The following MTHFSD variants were observed in gnomAD, a reference collection of about 807,000 sequenced individuals.
MTHFSD encodes the protein methenyltetrahydrofolate synthetase domain containing.
Under a neutral mutation model 31.1 loss-of-function variants are expected in MTHFSD, and 37 were observed. The ratio of observed to expected loss-of-function variants is 1.19; its 90% CI spans 0.91 to 1.56. The LOEUF (loss-of-function observed/expected upper bound fraction) is 1.56. Ranked by LOEUF, MTHFSD falls within the 40% of genes most tolerant of loss-of-function variation. The pLI is 0.00. For missense variants in MTHFSD, 664 were observed against 510.1 expected, an observed-to-expected ratio of 1.30 and a Z score of -2.91; for synonymous variants, 221 against 206.9, an observed-to-expected ratio of 1.07 and a Z score of -0.59.
At position 86,546,582 on chromosome 16, in the gene MTHFSD, CCCA is replaced by C. The variant is rs773157325; in HGVS notation, c.416_418del (p.Val139del). On this transcript the variant is annotated inframe_deletion, in exon 5 of 8. Coordinates refer to ENST00000360900, the MANE Select transcript of MTHFSD (RefSeq NM_001159377.2). ...ACCTTTTTCAGAAACGGCGACGGATCCCACCACAACTAAATCCACGAGGACTCT... is the reference window on the plus strand; with the variant it reads ...ACCTTTTTCAGAAACGGCGACGGATCCCACAACTAAATCCACGAGGACTCT... The C allele has an allele frequency of 8.1e-6, 13 of 1,613,878 alleles. No individual in the cohort carries two copies. Among genetic ancestry groups the C allele is most frequent in the Non-Finnish European group, 1.0e-5 (12 of 1,180,034 alleles).
At position 86,552,111 on chromosome 16, in the gene MTHFSD, T is replaced by C. The variant is rs541839013; in HGVS notation, c.159A>G (p.Leu53=). Residue 53 remains leucine, a synonymous_variant, in exon 3 of 8, where the codon CTA becomes CTG. Coordinates refer to ENST00000360900, the MANE Select transcript of MTHFSD (RefSeq NM_001159377.2). The part of the protein sequence containing the change: ...SYLACQNIKD[L]DVFARTQEVK... The stretch of plus-strand genomic sequence containing the variant: ...CTTCCTGTGTTCTGGCAAAAACGTC[T>C]AGGTCTTTGATGTTTTGGCAAGCCA... 1 of 1,614,194 alleles carries C rather than the reference T, an allele frequency of 6.2e-7. No individual in the cohort carries two copies. The highest frequency in any genetic ancestry group is 1.1e-5 in the South Asian group (1 of 91,076).
rs757968239 is a variant in MTHFSD at position 86,531,987 on chromosome 16, T to C, written c.*24A>G. 2 of 1,415,834 alleles carry C rather than the reference T, an allele frequency of 1.4e-6. No homozygotes were observed. The highest frequency in any genetic ancestry group is 3.0e-5 in the South Asian group (2 of 66,656). The allele number at this position is 1,415,834 out of a possible 1,614,324, so 87.7% of individuals were successfully genotyped here. A position where few individuals can be genotyped will look rare whatever the true frequency, so the allele number is the denominator to read the frequency against. ...GGGGACGGGGATGGCGAGTCTGCAG[T>C]GAGCTCCGTGGCTGTCCACGAGGTC... On this transcript the variant is annotated 3_prime_UTR_variant, in exon 8 of 8. Transcript: ENST00000360900. This position sits in a 1 kb window ranked among gnomAD's most constrained non-coding sequence, Gnocchi z 5.5.
intron 1 of MTHFSD, 73 bp from the exon 2 acceptor site, chr16:86,554,824 G>C: frequency 1.5e-6 from 2 of 1,333,728 alleles, no homozygotes; most frequent in South Asian, 2.5e-5. Context: ...CTTAACAGTA[G>C]TTAAGCGACC....
At chr16:86,540,295 G>A (rs1034859064) in intron 7 of MTHFSD, among the ~76,000 whole-genome samples, 5 of 152,174 alleles carry the variant, frequency 3.3e-5, no homozygotes, top group African/African-American at 1.2e-4. Context: ...AGAGGGTCTC[G>A]ACAAACAGCG....
At chr16:86,548,667 G>T in intron 3 of MTHFSD, 90 bp from the exon 4 acceptor site, 2 of 997,760 alleles carry the variant, frequency 2.0e-6, no homozygotes, top group Non-Finnish European at 1.5e-6. Flanking sequence ...AGGAGAAGAG[G>T]CAAATTACTA....
chr16:86,531,797 C>T lies in MTHFSD; in HGVS notation c.*214G>A, dbSNP rs577065974. On this transcript the variant is annotated 3_prime_UTR_variant, in exon 8 of 8. Transcript: ENST00000360900. This position sits in a 1 kb window ranked among gnomAD's most constrained non-coding sequence, Gnocchi z 5.5. ...CACGATTGGGAGGCTGCAGTCTCTG[C>T]GCGCTGTGAGATGAACCGCAGGGCG... 258 of 409,358 alleles carry T rather than the reference C, an allele frequency of 6.3e-4. No individual in the cohort carries two copies. Among genetic ancestry groups the T allele is most frequent in the Non-Finnish European group, 9.8e-4 (226 of 231,030 alleles). The allele number at this position is 409,358 out of a possible 1,614,324, so 25.4% of individuals were successfully genotyped here.
chr16:86,532,074 C>A lies in MTHFSD; in HGVS notation c.1089G>T (p.Gln363His). The part of the protein sequence containing the change: ...AAAQQAVSCL[Q>H]GLRLGTDTLR... ...GGGTGTCGGTGCCCAGGCGCAGGCC[C>A]TGCAAGCAGGAGACGGCCTGCTGGG... The change falls in exon 8 of 8, where the codon CAG becomes CAT. Residue 363 changes from glutamine to histidine, a missense_variant. Physicochemically the swap from Gln to His is conservative, Grantham distance 24. Coordinates refer to ENST00000360900, the MANE Select transcript of MTHFSD (RefSeq NM_001159377.2). The A allele has an allele frequency of 6.5e-7, 1 of 1,528,056 alleles. No homozygotes were observed. The allele number at this position is 1,528,056 out of a possible 1,614,324, so 94.7% of individuals were successfully genotyped here.
At position 86,548,506 on chromosome 16, in the gene MTHFSD, A is replaced by C. The variant is rs762792533; in HGVS notation, c.309T>G (p.Pro103=). Residue 103 remains proline, a synonymous_variant, in exon 4 of 8, where the codon CCT becomes CCG. Transcript: ENST00000360900. ...TGLFNKITPP[P]GATKDILRKC... is the part of the protein sequence containing the mutation. ...TTCTCAAGATGTCTTTAGTTGCCCC[A>C]GGGGGTGGTGTGATCTTATTAAACA... is the stretch of plus-strand genomic sequence containing the variant. The C allele has an allele frequency of 5.6e-6, 9 of 1,613,820 alleles. No homozygotes were observed. The highest frequency in any genetic ancestry group is 7.6e-6 in the Non-Finnish European group (9 of 1,179,928).
At chr16:86,545,194 C>T (rs1371651179) in intron 5 of MTHFSD, among the ~76,000 whole-genome samples, 2 of 152,046 alleles carry the variant, frequency 1.3e-5, no homozygotes, top group Admixed American at 6.6e-5. Flanking sequence ...ACATCCTACA[C>T]ATGTATCCCG....
intron 3 of MTHFSD, among the ~76,000 whole-genome samples, chr16:86,549,793 G>T (rs1243817845): frequency 6.6e-6 from 1 of 152,264 alleles, no homozygotes; most frequent in Non-Finnish European, 1.5e-5. Context: ...AAGCCAGTGG[G>T]GCTTAAGCCT....
At chr16:86,541,296 A>AG in intron 7 of MTHFSD, 3 of 1,111,676 alleles carry the variant, frequency 2.7e-6, no homozygotes, top group Non-Finnish European at 3.5e-6. Context: ...GTCAGTAAAA[A>AG]AAAAAAAAAA....
chr16:86,541,643 A>G (rs763869884), intron 7 of MTHFSD, 54 bp downstream of exon 7: 175 of 1,580,846 alleles, frequency 1.1e-4, no homozygotes, highest in Non-Finnish European at 1.4e-4. Flanking sequence ...AAAACACTTA[A>G]AAGAGGAGGA....
At chr16:86,553,481 G>C (rs1352099992) in intron 2 of MTHFSD, 1 of 152,478 alleles carries the variant, frequency 6.6e-6, no homozygotes, top group African/African-American at 2.4e-5. Context: ...GGGCCAGCGC[G>C]AGTTCCATGT....
chr16:86,531,570 C>T lies in MTHFSD; in HGVS notation c.*441G>A, dbSNP rs1282961646. On this transcript the variant is annotated 3_prime_UTR_variant, in exon 8 of 8. Transcript: ENST00000360900. This position sits in a 1 kb window ranked among gnomAD's most constrained non-coding sequence, Gnocchi z 5.5. The stretch of plus-strand genomic sequence containing the variant: ...AGCTCAGGAGCCTGAAGCCCAAGGG[C>T]GCGCTTCTGTACCCAGCATCCAGTC... 2 of 153,754 alleles carry T rather than the reference C, an allele frequency of 1.3e-5. No individual in the cohort carries two copies. Among genetic ancestry groups the T allele is most frequent in the African/African-American group, 2.4e-5 (1 of 41,512 alleles). 9.5% of individuals were successfully genotyped at this position (153,754 alleles called of 1,614,324 possible).
In MTHFSD at chr16:86,531,255, A is replaced by C. The variant is rs1969965959; in HGVS notation, c.*756T>G. ...TTTAGAAACAGAACTGGAGGAAAAA[A>C]ACCCAGAAAACATAAGGCACTGGGC... On this transcript the variant is annotated 3_prime_UTR_variant, in exon 8 of 8. Transcript: ENST00000360900. This position sits in a 1 kb window ranked among gnomAD's most constrained non-coding sequence, Gnocchi z 5.5. The C allele has an allele frequency of 6.6e-6, 1 of 152,244 alleles. No individual in the cohort carries two copies. The highest frequency in any genetic ancestry group is 6.5e-5 in the Admixed American group (1 of 15,290). The allele number at this position is 152,244 out of a possible 1,614,324, so 9.4% of individuals were successfully genotyped here. A position where few individuals can be genotyped will look rare whatever the true frequency, so the allele number is the denominator to read the frequency against.
chr16:86,550,331 C>T (rs1972959164), intron 3 of MTHFSD, among the ~76,000 whole-genome samples: 1 of 152,254 alleles, frequency 6.6e-6, no homozygotes, highest in Non-Finnish European at 1.5e-5. Flanking sequence ...GTTGTTTCTT[C>T]AGCCTGAATA....
At chr16:86,551,529 T>A (rs1038695596) in intron 3 of MTHFSD, among the ~76,000 whole-genome samples, 3 of 152,242 alleles carry the variant, frequency 2.0e-5, no homozygotes, top group Admixed American at 6.5e-5. Context: ...TACAAAAGCA[T>A]GCCTGAATTT....
intron 3 of MTHFSD, among the ~76,000 whole-genome samples, chr16:86,550,019 T>C (rs1177697295): frequency 2.6e-5 from 4 of 152,092 alleles, no homozygotes; most frequent in Non-Finnish European, 4.4e-5. Context: ...ACTGTGCCTG[T>C]AGCTGTGGCT....
At position 86,541,785 on chromosome 16, in the gene MTHFSD, T is replaced by C; in HGVS notation, c.593A>G (p.Asp198Gly). 6.2e-7 allele frequency: 1 copy of C among 1,614,156 alleles called. No individual in the cohort carries two copies. Among genetic ancestry groups the C allele is most frequent in the Non-Finnish European group, 8.5e-7 (1 of 1,180,028 alleles). Residue 198 changes from aspartate (D) to glycine (G), a missense_variant, in exon 7 of 8, where the codon GAC (aspartate) becomes GGC (glycine). Coordinates refer to ENST00000360900, the MANE Select transcript of MTHFSD (RefSeq NM_001159377.2). Reference sequence around the variant, plus strand: ...AGTGAGGATGTAGTCCACAGTGATGTCGTGCTCCTCAACAAGCTCTTCAGG... The same window carrying C: ...AGTGAGGATGTAGTCCACAGTGATGCCGTGCTCCTCAACAAGCTCTTCAGG... ...DIPEELVEEH[D>G]ITVDYILTPT...
Sources: allele counts gnomAD v4.1 joint callset (sites outside exome capture counted in the v4.1 genomes callset), GRCh38; gene constraint gnomAD v4.1.1; non-coding constraint Gnocchi (gnomAD v3.1); transcripts MANE v1.5; gene names NCBI Gene and HGNC (gene_info 2026-07-23, HGNC 2026-07-21).